Variants in PLOD1 observed in about 807,000 individuals in gnomAD.
PLOD1 encodes the protein lysine hydroxylase.
Under a neutral mutation model 94.7 loss-of-function variants are expected in PLOD1, and 70 were observed. That is an observed-to-expected ratio of 0.74 (90% CI 0.61 to 0.90). The LOEUF (loss-of-function observed/expected upper bound fraction) is 0.90. PLOD1 is among the 40% of genes least tolerant of loss of function. The pLI, the probability that PLOD1 is intolerant of heterozygous loss-of-function variation, is 0.00. For synonymous variants in PLOD1, 417 were observed against 400.2 expected, an observed-to-expected ratio of 1.04 and a Z score of -0.50; for missense variants, 905 against 972.7, an observed-to-expected ratio of 0.93 and a Z score of 0.93.
At chr1:11,952,806 C>A in intron 5 of PLOD1, 71 bp downstream of exon 5, 1 of 1,082,582 alleles carries the variant, frequency 9.2e-7, no homozygotes, top group Non-Finnish European at 1.4e-6. Context: ...GGAACAGCTC[C>A]TCTCAGGCCT....
intron 15 of PLOD1, 109 bp downstream of exon 15, chr1:11,966,425 G>A (rs1645818398): frequency 3.3e-6 from 2 of 599,884 alleles, no homozygotes; most frequent in African/African-American, 3.9e-5. Context: ...ATGGGAGTTG[G>A]GGGTGGAGGG....
rs1645742412 is a variant in PLOD1, at chr1:11,956,966, G to A, written c.693G>A (p.Leu231=). 6.2e-7 allele frequency: 1 copy of A among 1,613,868 alleles called. No individual in the cohort carries two copies. Among genetic ancestry groups the A allele is most frequent in the Non-Finnish European group, 8.5e-7 (1 of 1,179,868 alleles). The stretch of plus-strand genomic sequence containing the variant: ...TGGGCCATGTGAGAGCGAGGAACCT[G>A]GCCTATGACACCCTCCCGGTCCTGA... ...FEMGHVRARN[L]AYDTLPVLIH... is the part of the protein sequence containing the mutation. Residue 231 remains leucine, a synonymous_variant, in exon 7 of 19, where the codon CTG becomes CTA. Transcript: ENST00000196061.
chr1:11,964,609 C>A, intron 12 of PLOD1, 35 bp from the exon 13 acceptor site: 5 of 1,612,206 alleles, frequency 3.1e-6, no homozygotes, highest in Non-Finnish European at 4.2e-6. Context: ...CACCACCAGC[C>A]TCTGACCCCC....
intron 6 of PLOD1, among the ~76,000 whole-genome samples, chr1:11,955,973 G>T (rs1645734858): frequency 6.6e-6 from 1 of 152,046 alleles, no homozygotes; most frequent in African/African-American, 2.4e-5. Context: ...TGTTGCGCAG[G>T]CTTGTCTCAA....
At chr1:11,951,704 G>A (rs1645703732) in intron 4 of PLOD1, among the ~76,000 whole-genome samples, 1 of 149,910 alleles carries the variant, frequency 6.7e-6, no homozygotes, top group Non-Finnish European at 1.5e-5. Context: ...CGGATCACGA[G>A]GTCAGGAGAT....
Position 11,949,677 on chromosome 1 carries a change from C to T in PLOD1, c.169-96C>T, listed in dbSNP as rs58469200. On this transcript the variant is annotated intron_variant, in intron 2 of 18. Coordinates refer to ENST00000196061, the MANE Select transcript of PLOD1 (RefSeq NM_000302.4). Reference sequence around the variant, plus strand: ...TCAGGTGGTCCACACGTCTCGGCCTCCCAAAGTGCTGGGATTACCAGCATG... The same window carrying T: ...TCAGGTGGTCCACACGTCTCGGCCTTCCAAAGTGCTGGGATTACCAGCATG... 0.085 allele frequency: 113,237 copies of T among 1,337,344 alleles called. 5,639 individuals are homozygous for T. The highest frequency in any genetic ancestry group is 0.2 in the African/African-American group (13,840 of 69,056). The allele number at this position is 1,337,344 out of a possible 1,614,324, so 82.8% of individuals were successfully genotyped here. A position where few individuals can be genotyped will look rare whatever the true frequency, so the allele number is the denominator to read the frequency against.
Position 11,965,633 on chromosome 1 carries a change from G to A in PLOD1, c.1584+40G>A, listed in dbSNP as rs200006743. On this transcript the variant is annotated intron_variant, in intron 14 of 18. Transcript: ENST00000196061. ...GGCACATAGGGGCTGGGAGCAAAGG[G>A]GCCCAGTGATCCTGCAGTCGGAGGG... The A allele has an allele frequency of 2.8e-4, 348 of 1,228,122 alleles. 1 individual carries two copies. In the African/African-American group the frequency reaches 4.8e-3, roughly 17 times the overall value. The allele number at this position is 1,228,122 out of a possible 1,614,324, so 76.1% of individuals were successfully genotyped here.
rs751380359 is a variant in PLOD1 at position 11,974,739 on chromosome 1, G to A, written c.2115G>A (p.Thr705=). Residue 705 remains threonine, a synonymous_variant, in exon 19 of 19, where the codon ACG becomes ACA. Coordinates refer to ENST00000196061, the MANE Select transcript of PLOD1 (RefSeq NM_000302.4). ...CCCTCATGCACCCTGGACGACTCAC[G>A]CATTACCATGAGGGGCTCCCCACCA... ...GWTLMHPGRL[T]HYHEGLPTTR... is the part of the protein sequence containing the mutation. 5.6e-6 allele frequency: 9 copies of A among 1,613,884 alleles called. No individual in the cohort carries two copies. The highest frequency in any genetic ancestry group is 1.7e-5 in the Admixed American group (1 of 60,022).
intron 16 of PLOD1, among the ~76,000 whole-genome samples, chr1:11,968,205 C>T (rs1265148123): frequency 2.0e-5 from 3 of 152,146 alleles, no homozygotes; most frequent in Admixed American, 6.6e-5. Flanking sequence ...CTACCCACCT[C>T]GGCCTCCCAA....
Position 11,960,771 on chromosome 1 carries a change from A to G in PLOD1, c.1097+4A>G, listed in dbSNP as rs2100754342. Reference sequence around the variant, plus strand: ...CAGATGCCAGGAACATGGGCGCGTGAGTTGTGGGCCACAGTACTCTCCACT... The same window carrying G: ...CAGATGCCAGGAACATGGGCGCGTGGGTTGTGGGCCACAGTACTCTCCACT... On this transcript the variant is annotated splice_donor_region_variant and intron_variant, in intron 10 of 18. Transcript: ENST00000196061. The G allele has an allele frequency of 6.2e-7, 1 of 1,612,614 alleles. No individual in the cohort carries two copies. The highest frequency in any genetic ancestry group is 8.5e-7 in the Non-Finnish European group (1 of 1,179,962).
At chr1:11,940,675 A>C (rs1645609340) in intron 1 of PLOD1, among the ~76,000 whole-genome samples, 1 of 152,132 alleles carries the variant, frequency 6.6e-6, no homozygotes, top group South Asian at 2.1e-4. Flanking sequence ...TCATTGCTGG[A>C]CTTTGGGCAG....
intron 1 of PLOD1, among the ~76,000 whole-genome samples, chr1:11,946,852 C>T (rs1038483896): frequency 6.6e-6 from 1 of 152,220 alleles, no homozygotes; most frequent in Non-Finnish European, 1.5e-5. Flanking sequence ...GCAGGCTGTA[C>T]AAGCATACCA....
intron 1 of PLOD1, among the ~76,000 whole-genome samples, 199 bp from the exon 2 acceptor site, chr1:11,947,777 G>A (rs929010873): frequency 1.3e-5 from 2 of 152,162 alleles, no homozygotes; most frequent in African/African-American, 2.4e-5. Context: ...TTACTGGGTG[G>A]AGGGAGCCCT....
chr1:11,967,906 C>A (rs938728547), intron 16 of PLOD1, among the ~76,000 whole-genome samples: 28 of 150,206 alleles, frequency 1.9e-4, no homozygotes, highest in African/African-American at 6.6e-4. Flanking sequence ...TGTGCCACCA[C>A]GCCCAGCTAA....
chr1:11,946,916 G>C (rs145521379), intron 1 of PLOD1, among the ~76,000 whole-genome samples: 2 of 152,174 alleles, frequency 1.3e-5, no homozygotes, highest in Non-Finnish European at 2.9e-5. Flanking sequence ...CTCATGGCAG[G>C]CATGTCACAT....
At chr1:11,964,083 T>C in intron 11 of PLOD1, 92 bp from the exon 12 acceptor site, 1 of 1,306,034 alleles carries the variant, frequency 7.7e-7, no homozygotes, top group Non-Finnish European at 1.1e-6. Flanking sequence ...GCGTGCAGGT[T>C]GAGGGGCACC....
At chr1:11,964,096 C>A in intron 11 of PLOD1, 79 bp from the exon 12 acceptor site, 2 of 1,428,652 alleles carry the variant, frequency 1.4e-6, no homozygotes, top group Non-Finnish European at 2.0e-6. Flanking sequence ...GGGGCACCTA[C>A]CTCCCCCCAT....
intron 1 of PLOD1, among the ~76,000 whole-genome samples, chr1:11,942,827 G>T (rs1355663684): frequency 6.6e-6 from 1 of 152,108 alleles, no homozygotes; most frequent in Non-Finnish European, 1.5e-5. Context: ...CTAGCCCTGG[G>T]GCCTAGGAGC....
In PLOD1 at chr1:11,958,670, G is replaced by C. The variant is rs765894813; in HGVS notation, c.975+23G>C. 5.6e-6 allele frequency: 9 copies of C among 1,613,666 alleles called. No homozygotes were observed. Among genetic ancestry groups the C allele is most frequent in the Non-Finnish European group, 7.6e-6 (9 of 1,179,990 alleles). On this transcript the variant is annotated intron_variant, in intron 9 of 18. Transcript: ENST00000196061. The surrounding 1 kb of genome is among the most constrained non-coding windows in gnomAD (Gnocchi z 4.3). ...CACGTGAGTAACAGGCGCTCTGTGG[G>C]GTCGTCATGTGGCTTAGATCCAGGG...
Sources: allele counts gnomAD v4.1 joint callset (sites outside exome capture counted in the v4.1 genomes callset), GRCh38; gene constraint gnomAD v4.1.1; non-coding constraint Gnocchi (gnomAD v3.1); transcripts MANE v1.5; gene names NCBI Gene and HGNC (gene_info 2026-07-23, HGNC 2026-07-21).